RIMS2: variants seen among roughly 807,000 people sequenced by gnomAD.
RIMS2 encodes regulating synaptic membrane exocytosis protein 2.
In RIMS2, 59 loss-of-function variants were observed where a neutral mutation model predicts 174.4. That is an observed-to-expected ratio of 0.34 (90% CI 0.27 to 0.42). RIMS2 has a LOEUF of 0.42. RIMS2 is among the 10% of genes least tolerant of loss of function. RIMS2 has a pLI of 1.00. For missense variants in RIMS2, 1,620 were observed against 1,666.3 expected, an observed-to-expected ratio of 0.97 and a Z score of 0.48; for synonymous variants, 606 against 572.5, an observed-to-expected ratio of 1.06 and a Z score of -0.84.
chr8:103,661,766 A>C (rs1459164037), intron 1 of RIMS2, among the ~76,000 whole-genome samples: 1 of 152,168 alleles, frequency 6.6e-6, no homozygotes, highest in Non-Finnish European at 1.5e-5. Flanking sequence ...TGGTCTCCCA[A>C]CGTGCTAGGA....
chr8:104,217,071 C>T (rs568419515), intron 19 of RIMS2, among the ~76,000 whole-genome samples: 1 of 152,082 alleles, frequency 6.6e-6, no homozygotes, highest in Non-Finnish European at 1.5e-5. Context: ...AACTACTCTG[C>T]TTTTATAACT....
intron 1 of RIMS2, among the ~76,000 whole-genome samples, chr8:103,549,273 T>C (rs543652233): frequency 1.3e-5 from 2 of 152,264 alleles, no homozygotes; most frequent in African/African-American, 4.8e-5. Context: ...GCAGATCTCT[T>C]GGCAGAAATT....
At chr8:104,010,525 A>G (rs930891581) in intron 17 of RIMS2, among the ~76,000 whole-genome samples, 1 of 152,134 alleles carries the variant, frequency 6.6e-6, no homozygotes, top group East Asian at 1.9e-4. Flanking sequence ...TAACATTGTT[A>G]GTCAATGTAA....
chr8:103,623,887 C>T (rs1221216152), intron 1 of RIMS2, among the ~76,000 whole-genome samples: 1 of 151,986 alleles, frequency 6.6e-6, no homozygotes, highest in Non-Finnish European at 1.5e-5. Flanking sequence ...AACTAAATAT[C>T]CTCTGATGAC....
chr8:104,003,937 T>C (rs541211734), intron 17 of RIMS2, among the ~76,000 whole-genome samples: 6 of 152,254 alleles, frequency 3.9e-5, no homozygotes, highest in African/African-American at 1.4e-4. Flanking sequence ...TTTTAATAAA[T>C]TAAAATCAGC....
At chr8:104,218,272 A>G (rs2099139906) in intron 19 of RIMS2, among the ~76,000 whole-genome samples, 1 of 152,170 alleles carries the variant, frequency 6.6e-6, no homozygotes, top group Non-Finnish European at 1.5e-5. Flanking sequence ...TCTTTTTAGC[A>G]TAGCCACTTC....
intron 19 of RIMS2, 88 bp from the exon 23 acceptor site, chr8:104,068,424 C>T: frequency 1.7e-6 from 1 of 597,662 alleles, no homozygotes; most frequent in Non-Finnish European, 3.0e-6. Flanking sequence ...ATATACCAGC[C>T]TGGCTTTTCT....
intron 19 of RIMS2, among the ~76,000 whole-genome samples, chr8:104,101,381 G>A (rs563928318): frequency 7.2e-5 from 11 of 151,878 alleles, no homozygotes; most frequent in South Asian, 6.2e-4. Context: ...CACCCGCCTC[G>A]GCCTCCCAAA....
At chr8:104,155,409 C>CT (rs10578958) in intron 19 of RIMS2, among the ~76,000 whole-genome samples, 14,268 of 80,926 alleles carry the variant, frequency 0.18, 2,147 homozygotes, top group East Asian at 0.59. Flanking sequence ...CCCGGCCTTG[C>CT]TTTTTTTTTT....
chr8:104,078,938 G>A (rs2097352995), intron 19 of RIMS2, among the ~76,000 whole-genome samples: 1 of 151,898 alleles, frequency 6.6e-6, no homozygotes, highest in African/African-American at 2.4e-5. Context: ...GACTCGCGTA[G>A]CCATAATTTT....
At chr8:103,568,327 ATAAAT>A (rs893599690) in intron 1 of RIMS2, among the ~76,000 whole-genome samples, 8 of 152,090 alleles carry the variant, frequency 5.3e-5, no homozygotes, top group African/African-American at 1.2e-4. Context: ...ATAAAGTAAA[ATAAAT>A]TAAAATTATG....
At chr8:103,710,350 A>T (rs1419303643) in intron 2 of RIMS2, among the ~76,000 whole-genome samples, 1 of 152,186 alleles carries the variant, frequency 6.6e-6, no homozygotes, top group Non-Finnish European at 1.5e-5. Flanking sequence ...ACATTTAGTT[A>T]ATTCTCTTGA....
At chr8:103,862,506 G>T (rs2099064086) in intron 3 of RIMS2, among the ~76,000 whole-genome samples, 1 of 151,492 alleles carries the variant, frequency 6.6e-6, no homozygotes, top group South Asian at 2.1e-4. Flanking sequence ...ATTTTGTGAA[G>T]AATTATGTTG....
chr8:104,223,700 C>T, intron 19 of RIMS2: 4 of 1,592,006 alleles, frequency 2.5e-6, no homozygotes, highest in Non-Finnish European at 3.4e-6. Flanking sequence ...GCGCTCCATG[C>T]AGCGCTCCCA....
At chr8:104,039,198 G>A (rs546887960) in intron 19 of RIMS2, among the ~76,000 whole-genome samples, 52 of 151,698 alleles carry the variant, frequency 3.4e-4, no homozygotes, top group South Asian at 1.5e-3. Context: ...CAGTTCAGGC[G>A]TCACCATGAG....
chr8:104,100,093 T>G lies in RIMS2; in HGVS notation c.3334+85478T>G, dbSNP rs529755904. Among the ~76,000 whole-genome samples the G allele has an allele frequency of 2.6e-5, 4 of 152,294 alleles. 1 individual carries two copies. Among genetic ancestry groups the G allele is most frequent in the African/African-American group, 7.2e-5 (3 of 41,586 alleles). On this transcript the variant is annotated intron_variant, in intron 19 of 23. Coordinates refer to ENST00000504942, the Ensembl canonical transcript of RIMS2. ...TACTCAGCCTCCCAAAGGGCTGGGA[T>G]TATGGGTGTAAGCCACCATACCCAG... is the stretch of plus-strand genomic sequence containing the variant.
chr8:104,100,871 T>A (rs1446614341), intron 19 of RIMS2, among the ~76,000 whole-genome samples: 7 of 141,524 alleles, frequency 4.9e-5, no homozygotes, highest in African/African-American at 1.6e-4. Flanking sequence ...ATATATTATA[T>A]ATGTAATATA....
intron 1 of RIMS2, among the ~76,000 whole-genome samples, chr8:103,684,539 TTTTTATTTTATTTTA>T (rs71297228): frequency 0.055 from 7,436 of 134,392 alleles, 553 homozygotes; most frequent in African/African-American, 0.16. Context: ...GTTCATACTT[TTTTTATTTTATTTTA>T]TTTTATTTTA....
At chr8:103,600,635 T>C (rs1323042725) in intron 1 of RIMS2, among the ~76,000 whole-genome samples, 1 of 152,194 alleles carries the variant, frequency 6.6e-6, no homozygotes, top group African/African-American at 2.4e-5. Context: ...TTGTTTGTTG[T>C]GAACAGTGCT....
Sources: gnomAD v4.1 joint callset for allele counts (sites outside exome capture counted in the v4.1 genomes callset) on GRCh38, gnomAD v4.1.1 for gene constraint, MANE v1.5 for transcripts, NCBI Gene and HGNC (gene_info 2026-07-23, HGNC 2026-07-21) for gene names.